CLCA4: variants seen among roughly 807,000 people sequenced by gnomAD.
The protein encoded by CLCA4 is calcium-activated chloride channel regulator 4.
In CLCA4, 69 loss-of-function variants were observed where a neutral mutation model predicts 78.9. The observed-to-expected ratio is 0.87, with a 90% CI of 0.72 to 1.07. The LOEUF is 1.07. Among genes scored for constraint, CLCA4 ranks in the 50% least tolerant of loss-of-function variants. CLCA4 has a pLI of 0.00. For synonymous variants in CLCA4, 362 were observed against 375.8 expected, an observed-to-expected ratio of 0.96 and a Z score of 0.42; for missense variants, 1,133 against 1,095.8, an observed-to-expected ratio of 1.03 and a Z score of -0.48.
chr1:86,574,605 T>C lies in CLCA4; in HGVS notation c.1533T>C (p.Ser511=). The C allele has an allele frequency of 1.2e-6, 2 of 1,613,204 alleles. No homozygotes were observed. Among genetic ancestry groups the C allele is most frequent in the East Asian group, 4.5e-5 (2 of 44,832 alleles). Residue 511 remains serine (S), a synonymous_variant, in exon 10 of 14, where the codon AGT becomes AGC. Coordinates refer to ENST00000370563, the MANE Select transcript of CLCA4 (RefSeq NM_012128.4). ...AWMNDTVIID[S]TVGKDTFFLI... Reference sequence around the variant, plus strand: ...TGAACGACACTGTCATAATTGATAGTACAGTGGGAAAGGACACGTTCTTTC... The same window carrying C: ...TGAACGACACTGTCATAATTGATAGCACAGTGGGAAAGGACACGTTCTTTC...
At chr1:86,571,559 A>G (rs1650352206) in intron 8 of CLCA4, among the ~76,000 whole-genome samples, 1 of 152,106 alleles carries the variant, frequency 6.6e-6, no homozygotes, top group African/African-American at 2.4e-5. Context: ...GGAAGCATGC[A>G]AAACTAGCTG....
chr1:86,567,532 AT>A lies in CLCA4; in HGVS notation c.1065del (p.Ile355MetfsTer2). On this transcript the variant is annotated frameshift_variant, in exon 7 of 14. Coordinates refer to ENST00000370563, the MANE Select transcript of CLCA4 (RefSeq NM_012128.4). LOFTEE classifies it high-confidence loss of function. The part of the protein sequence containing the change: ...GMVHFDSTAT[I>X]VNKLIQIKSS... ...GGTTCACTTTGATAGTACTGCCACTATTGTAAATAAGCTAATCCAAATAAAA... is the reference window on the plus strand; with the variant it reads ...GGTTCACTTTGATAGTACTGCCACTATGTAAATAAGCTAATCCAAATAAAA... 6.2e-7 allele frequency: 1 copy of A among 1,613,192 alleles called. No homozygotes were observed. Among genetic ancestry groups the A allele is most frequent in the Non-Finnish European group, 8.5e-7 (1 of 1,179,284 alleles).
In CLCA4 at chr1:86,580,356, A is replaced by G. The variant is rs1650680555; in HGVS notation, c.*11A>G. 6.5e-7 allele frequency: 1 copy of G among 1,549,682 alleles called. No individual in the cohort carries two copies. The highest frequency in any genetic ancestry group is 1.4e-5 in the African/African-American group (1 of 72,588). On this transcript the variant is annotated 3_prime_UTR_variant, in exon 14 of 14. Transcript: ENST00000370563. ...AGTACCACCATTTGAACCTTAACGAAGAAAAAAATCTTCAAGTAGACCTAG... is the reference window on the plus strand; with the variant it reads ...AGTACCACCATTTGAACCTTAACGAGGAAAAAAATCTTCAAGTAGACCTAG...
intron 1 of CLCA4, among the ~76,000 whole-genome samples, chr1:86,559,551 AT>A (rs2101798072): frequency 6.6e-6 from 1 of 152,332 alleles, no homozygotes; most frequent in African/African-American, 2.4e-5. Context: ...CCATTGAAGG[AT>A]GAGGAAACTG....
chr1:86,577,976 T>G lies in CLCA4; in HGVS notation c.2026T>G (p.Leu676Val). Residue 676 changes from leucine (L) to valine (V), a missense_variant, in exon 12 of 14, where the codon TTA (leucine) becomes GTA (valine). Coordinates refer to ENST00000370563, the MANE Select transcript of CLCA4 (RefSeq NM_012128.4). ...TAYTENGRYS[L>V]KVRAHGGANT... ...ATATACAGAAAATGGCAGATATAGC[T>G]TAAAAGTTCGGGCTCATGGAGGAGC... is the stretch of plus-strand genomic sequence containing the variant. 6.2e-7 allele frequency: 1 copy of G among 1,612,890 alleles called. No homozygotes were observed. The highest frequency in any genetic ancestry group is 1.7e-4 in the Middle Eastern group (1 of 6,052).
At chr1:86,560,470 C>G in intron 3 of CLCA4, 112 bp downstream of exon 3, 1 of 1,040,096 alleles carries the variant, frequency 9.6e-7, no homozygotes, top group East Asian at 2.6e-5. Context: ...ATCCTGGCTC[C>G]CCTACTTACT....
At chr1:86,562,927 C>T (rs1650068294) in intron 3 of CLCA4, among the ~76,000 whole-genome samples, 1 of 151,108 alleles carries the variant, frequency 6.6e-6, no homozygotes, top group African/African-American at 2.4e-5. Context: ...GTGTATTTTC[C>T]TCCCATTTTC....
intron 7 of CLCA4, among the ~76,000 whole-genome samples, chr1:86,570,269 G>A (rs1650311407): frequency 6.6e-6 from 1 of 151,786 alleles, no homozygotes; most frequent in Non-Finnish European, 1.5e-5. Context: ...CTCTTGGCCT[G>A]GAATCAAGGT....
intron 1 of CLCA4, among the ~76,000 whole-genome samples, chr1:86,551,271 T>C (rs758309907): frequency 6.6e-5 from 10 of 152,214 alleles, no homozygotes; most frequent in Non-Finnish European, 1.2e-4. Flanking sequence ...AACCCAAAAC[T>C]TTAAAAATCC....
chr1:86,573,415 T>C (rs1650413415), intron 9 of CLCA4, among the ~76,000 whole-genome samples: 2 of 152,024 alleles, frequency 1.3e-5, no homozygotes, highest in African/African-American at 4.8e-5. Flanking sequence ...AAATATATTT[T>C]ACAAAAATAT....
intron 10 of CLCA4, 52 bp from the exon 11 acceptor site, chr1:86,575,280 T>C: frequency 7.1e-7 from 1 of 1,414,676 alleles, no homozygotes; most frequent in East Asian, 2.3e-5. Flanking sequence ...AATGGAAATA[T>C]AGAAAGTAGC....
chr1:86,565,596 C>T, intron 5 of CLCA4, 145 bp downstream of exon 5: 1 of 676,286 alleles, frequency 1.5e-6, no homozygotes, highest in East Asian at 2.7e-5. Context: ...ATTTGCTGAA[C>T]TAGTGCTATC....
At chr1:86,578,595 T>C (rs909859837) in intron 12 of CLCA4, among the ~76,000 whole-genome samples, 3 of 152,080 alleles carry the variant, frequency 2.0e-5, no homozygotes, top group African/African-American at 7.2e-5. Flanking sequence ...CTGAGGATAA[T>C]GGCCTCCAGC....
At chr1:86,577,851 A>T (rs1422668022) in intron 11 of CLCA4, 51 bp from the exon 12 acceptor site, 1 of 1,548,868 alleles carries the variant, frequency 6.5e-7, no homozygotes, top group African/African-American at 1.4e-5. Flanking sequence ...TTGTCTTAGA[A>T]AATGCAAAAT....
At position 86,574,587 on chromosome 1, in the gene CLCA4, C is replaced by T. The variant is rs760990519; in HGVS notation, c.1515C>T (p.Asp505=). ...LTLNSNAWMN[D]TVIIDSTVGK... is the part of the protein sequence containing the mutation. ...TGAATAGTAATGCCTGGATGAACGACACTGTCATAATTGATAGTACAGTGG... is the reference window on the plus strand; with the variant it reads ...TGAATAGTAATGCCTGGATGAACGATACTGTCATAATTGATAGTACAGTGG... The change falls in exon 10 of 14, where the codon GAC becomes GAT. Residue 505 remains aspartate (D), a synonymous_variant. Coordinates refer to ENST00000370563, the MANE Select transcript of CLCA4 (RefSeq NM_012128.4). The T allele has an allele frequency of 3.1e-6, 5 of 1,613,274 alleles. No homozygotes were observed. In the South Asian group the frequency reaches 4.4e-5, roughly 14 times the overall value.
At chr1:86,556,325 T>C (rs1446559724) in intron 1 of CLCA4, among the ~76,000 whole-genome samples, 1 of 152,232 alleles carries the variant, frequency 6.6e-6, no homozygotes, top group Non-Finnish European at 1.5e-5. Flanking sequence ...TTCAGTATAA[T>C]GTTGGCTATG....
At chr1:86,559,425 T>A (rs907972316) in intron 1 of CLCA4, among the ~76,000 whole-genome samples, 1 of 152,202 alleles carries the variant, frequency 6.6e-6, no homozygotes, top group South Asian at 2.1e-4. Context: ...GCCTGTTTTC[T>A]ACGAAGATTT....
intron 7 of CLCA4, among the ~76,000 whole-genome samples, chr1:86,570,661 C>G (rs1321738404): frequency 6.6e-6 from 1 of 152,016 alleles, no homozygotes; most frequent in African/African-American, 2.4e-5. Flanking sequence ...CTTAATGCAT[C>G]TAGCTTTAAA....
intron 3 of CLCA4, 82 bp downstream of exon 3, chr1:86,560,440 G>C (rs1345432507): frequency 3.6e-6 from 5 of 1,400,424 alleles, no homozygotes; most frequent in Non-Finnish European, 3.9e-6. Context: ...AGGCCATGGG[G>C]CCAAAGTCCC....
Sources: allele counts gnomAD v4.1 joint callset (sites outside exome capture counted in the v4.1 genomes callset), GRCh38; gene constraint gnomAD v4.1.1; transcripts MANE v1.5; gene names NCBI Gene and HGNC (gene_info 2026-07-23, HGNC 2026-07-21).